The following ATP10B variants were observed in gnomAD, a reference collection of about 807,000 sequenced individuals.
The protein encoded by ATP10B is ATPase phospholipid transporting 10B (putative).
In ATP10B, 122 loss-of-function variants were observed where a neutral mutation model predicts 141.2. That is an observed-to-expected ratio of 0.86 (90% CI 0.75 to 1.00). ATP10B has a LOEUF of 1.00. ATP10B is among the 50% of genes least tolerant of loss of function. The pLI is 0.00. For missense variants in ATP10B, 1,876 were observed against 1,825.3 expected (o/e 1.03, Z -0.51); for synonymous variants, 685 against 692.0 (o/e 0.99, Z 0.16).
chr5:160,615,700 G>T, intron 17 of ATP10B, 138 bp downstream of exon 17: 1 of 1,095,928 alleles, frequency 9.1e-7, no homozygotes, highest in Non-Finnish European at 1.3e-6. Context: ...TGGCCCATTT[G>T]TGCCAAATAC....
At chr5:160,896,416 C>T in the ATP10B span, among the ~76,000 whole-genome samples, 1 of 152,134 alleles carries the variant, frequency 6.6e-6, no homozygotes, top group East Asian at 1.9e-4. Context: ...CTATAAACAC[C>T]TCTACACAAA....
At chr5:160,663,038 A>G (rs571872684) in intron 7 of ATP10B, among the ~76,000 whole-genome samples, 22 of 152,378 alleles carry the variant, frequency 1.4e-4, no homozygotes, top group African/African-American at 5.0e-4. Flanking sequence ...ACATGAAAAA[A>G]TGCTCATCAT....
intron 9 of ATP10B, among the ~76,000 whole-genome samples, chr5:160,643,296 A>T (rs1760012917): frequency 6.6e-6 from 1 of 152,248 alleles, no homozygotes; most frequent in Non-Finnish European, 1.5e-5. Context: ...ACAAAAAAGC[A>T]ATAAGCAAAC....
chr5:160,609,967 C>T (rs998698447), intron 18 of ATP10B, among the ~76,000 whole-genome samples: 8 of 152,186 alleles, frequency 5.3e-5, no homozygotes, highest in African/African-American at 1.9e-4. Flanking sequence ...TCTTAATTTA[C>T]TTATTTCCAG....
intron 2 of ATP10B, among the ~76,000 whole-genome samples, chr5:160,773,036 G>A (rs992417653): frequency 4.0e-5 from 6 of 150,258 alleles, no homozygotes; most frequent in Admixed American, 2.0e-4. Flanking sequence ...GCTATTTGAC[G>A]GAAATCAGGA....
intron 22 of ATP10B, among the ~76,000 whole-genome samples, chr5:160,594,856 A>T (rs919144283): frequency 6.6e-6 from 1 of 152,228 alleles, no homozygotes; most frequent in Admixed American, 6.5e-5. Flanking sequence ...TCCTAAATAT[A>T]TATGCACCCA....
chr5:160,897,647 T>C, the ATP10B span, among the ~76,000 whole-genome samples: 2 of 152,206 alleles, frequency 1.3e-5, no homozygotes, highest in Non-Finnish European at 2.9e-5. Context: ...GCTATTCCCA[T>C]CAAGCTACCA....
intron 2 of ATP10B, among the ~76,000 whole-genome samples, chr5:160,752,120 G>A (rs1382546463): frequency 1.5e-5 from 2 of 137,582 alleles, no homozygotes; most frequent in Non-Finnish European, 3.1e-5. Flanking sequence ...GTGCATGCAA[G>A]AAAATAAAGA....
chr5:160,884,158 GAC>G, the ATP10B span, among the ~76,000 whole-genome samples: 1 of 152,006 alleles, frequency 6.6e-6, no homozygotes, highest in Non-Finnish European at 1.5e-5. Flanking sequence ...TCCTCACACA[GAC>G]ACACACACAC....
At chr5:160,566,363 T>G (rs1754536193) in intron 25 of ATP10B, among the ~76,000 whole-genome samples, 1 of 152,248 alleles carries the variant, frequency 6.6e-6, no homozygotes, top group South Asian at 2.1e-4. Context: ...TAGGCAAATT[T>G]AATTGCTCTG....
At chr5:160,699,427 A>T (rs778841878) in intron 3 of ATP10B, among the ~76,000 whole-genome samples, 1 of 152,218 alleles carries the variant, frequency 6.6e-6, no homozygotes, top group Non-Finnish European at 1.5e-5. Flanking sequence ...ATGAAGCTGA[A>T]AGCAATTAAA....
At chr5:160,580,909 T>G (rs1020201723) in intron 24 of ATP10B, among the ~76,000 whole-genome samples, 7 of 152,198 alleles carry the variant, frequency 4.6e-5, no homozygotes, top group Non-Finnish European at 1.0e-4. Flanking sequence ...GTCCAGGAAT[T>G]TATCCATTTC....
At position 160,707,967 on chromosome 5, in the gene ATP10B, A is replaced by G. The variant is rs78393691; in HGVS notation, c.-205+8942T>C. Among the ~76,000 whole-genome samples the G allele has an allele frequency of 3.2e-3, 484 of 152,304 alleles. 2 individuals carry two copies. Among genetic ancestry groups the G allele is most frequent in the African/African-American group, 0.011 (460 of 41,570 alleles). On this transcript the variant is annotated intron_variant, in intron 3 of 25. Transcript: ENST00000327245. ...GCCTGATGGGGGTTGGGAGTTGCACATGCCTCCAGGAAATATCCACCTTCA... is the reference window on the plus strand; with the variant it reads ...GCCTGATGGGGGTTGGGAGTTGCACGTGCCTCCAGGAAATATCCACCTTCA...
chr5:160,810,941 G>A lies in ATP10B; in HGVS notation c.-575-25138C>T, dbSNP rs528661536. ...TTTGTAATTTTATAGTTATCATCAC[G>A]TTTGAGAAATATTCAGCCATTATCA... On this transcript the variant is annotated intron_variant, in intron 1 of 25. Transcript: ENST00000327245. Among the ~76,000 whole-genome samples, 18 of 152,270 alleles carry A rather than the reference G, an allele frequency of 1.2e-4. 1 individual carries two copies. Among genetic ancestry groups the A allele is most frequent in the Admixed American group, 3.9e-4 (6 of 15,306 alleles).
At chr5:160,869,595 T>C in the ATP10B span, among the ~76,000 whole-genome samples, 1 of 152,060 alleles carries the variant, frequency 6.6e-6, no homozygotes, top group South Asian at 2.1e-4. Flanking sequence ...TAACAACAAG[T>C]GAAATGTTGA....
At chr5:160,677,177 A>G (rs1043101197) in intron 6 of ATP10B, among the ~76,000 whole-genome samples, 2 of 152,332 alleles carry the variant, frequency 1.3e-5, no homozygotes, top group Admixed American at 1.3e-4. Context: ...GGACACCTGA[A>G]TTCTTGTTTT....
chr5:160,901,429 A>C, the ATP10B span, among the ~76,000 whole-genome samples: 5 of 152,216 alleles, frequency 3.3e-5, no homozygotes, highest in African/African-American at 1.2e-4. Context: ...TTAAATTAAA[A>C]GTAGTTAGAA....
At chr5:160,568,683 A>G (rs1004235624) in intron 25 of ATP10B, among the ~76,000 whole-genome samples, 4 of 152,140 alleles carry the variant, frequency 2.6e-5, no homozygotes, top group Non-Finnish European at 1.5e-5. Context: ...TTGGTACTTC[A>G]GCTGTCCCAT....
At chr5:160,924,856 G>A in the ATP10B span, among the ~76,000 whole-genome samples, 2 of 152,278 alleles carry the variant, frequency 1.3e-5, no homozygotes, top group African/African-American at 4.8e-5. Flanking sequence ...GCTCTGTCTT[G>A]GGGAACAGTA....
Sources: allele counts gnomAD v4.1 joint callset (sites outside exome capture counted in the v4.1 genomes callset), GRCh38; gene constraint gnomAD v4.1.1; transcripts MANE v1.5; gene names NCBI Gene and HGNC (gene_info 2026-07-23, HGNC 2026-07-21).